The following CHEK2 variants were observed in gnomAD, a reference collection of about 807,000 sequenced individuals.
CHEK2 encodes checkpoint kinase 2, also known as serine/threonine-protein kinase Chk2.
Under a neutral mutation model 69.1 loss-of-function variants are expected in CHEK2, and 71 were observed. That is an observed-to-expected ratio of 1.03 (90% confidence interval 0.85 to 1.25). The LOEUF is 1.25. CHEK2 is among the 50% of genes most tolerant of loss of function. The probability of loss-of-function intolerance (pLI) is 0.00; values close to 1 mark genes in which losing one functional copy is unlikely to be tolerated. For missense variants in CHEK2, 664 were observed against 649.6 expected, an observed-to-expected ratio of 1.02 and a Z score of -0.24; for synonymous variants, 189 against 226.9, an observed-to-expected ratio of 0.83 and a Z score of 1.50.
At chr22:28,727,167 G>A (rs1233019130) in intron 2 of CHEK2, among the ~76,000 whole-genome samples, 4 of 151,982 alleles carry the variant, frequency 2.6e-5, no homozygotes, top group Non-Finnish European at 4.4e-5. Context: ...TCAGCCTCCC[G>A]AGTGGCTGGG....
chr22:28,720,115 G>A (rs2053723127), intron 4 of CHEK2, among the ~76,000 whole-genome samples: 1 of 133,946 alleles, frequency 7.5e-6, no homozygotes, highest in South Asian at 2.2e-4. Flanking sequence ...TTTTTTGAGA[G>A]AGTTTCACTC....
chr22:28,726,187 A>AG (rs1279781272), intron 2 of CHEK2: 2 of 151,706 alleles, frequency 1.3e-5, no homozygotes, highest in Admixed American at 1.3e-4. Context: ...TGGACGACAA[A>AG]GCAAGACTCT....
Position 28,695,140 on chromosome 22 carries a change from T to G in CHEK2, c.1362A>C (p.Glu454Asp). Residue 454 changes from glutamate (E) to aspartate (D), a missense_variant, in exon 12 of 15, where the codon GAA (glutamate) becomes GAC (aspartate). By Grantham distance (45) the Glu-to-Asp change is conservative. Coordinates refer to ENST00000404276, the MANE Select transcript of CHEK2 (RefSeq NM_007194.4). ...KYNFIPEVWA[E>D]VSEKALDLVK... ...TCATATTCATACCTTTCTCTGAGAC[T>G]TCTGCCCAGACTTCAGGAATGAAGT... The G allele has an allele frequency of 6.2e-7, 1 of 1,607,802 alleles. No individual in the cohort carries two copies. Among genetic ancestry groups the G allele is most frequent in the Non-Finnish European group, 8.5e-7 (1 of 1,174,432 alleles).
chr22:28,713,432 T>C (rs946985671), intron 5 of CHEK2, among the ~76,000 whole-genome samples: 8 of 151,378 alleles, frequency 5.3e-5, no homozygotes, highest in African/African-American at 1.5e-4. Context: ...TGATCTCGGC[T>C]CACCGCAAGC....
intron 10 of CHEK2, among the ~76,000 whole-genome samples, chr22:28,696,189 A>T (rs183474922): frequency 5.8e-4 from 88 of 152,298 alleles, no homozygotes; most frequent in Non-Finnish European, 1.1e-3. Flanking sequence ...CATGGTTCTT[A>T]GACCCCAGTG....
Position 28,696,603 on chromosome 22 carries a change from C to A in CHEK2, c.1095+298G>T, listed in dbSNP as rs1488085730. Among the ~76,000 whole-genome samples, 1 of 152,164 alleles carries A rather than the reference C, an allele frequency of 6.6e-6. No individual in the cohort carries two copies. The highest frequency in any genetic ancestry group is 1.5e-5 in the Non-Finnish European group (1 of 68,042). On this transcript the variant is annotated intron_variant, in intron 10 of 14. Coordinates refer to ENST00000404276, the MANE Select transcript of CHEK2 (RefSeq NM_007194.4). ...CAAACTCCTGACCTCAGGTGATCTGCCCACCTCGGCCTCCCAAAGTGCTGG... is the reference window on the plus strand; with the variant it reads ...CAAACTCCTGACCTCAGGTGATCTGACCACCTCGGCCTCCCAAAGTGCTGG...
intron 1 of CHEK2, among the ~76,000 whole-genome samples, chr22:28,740,542 T>C (rs1486798878): frequency 6.6e-6 from 1 of 152,238 alleles, no homozygotes; most frequent in African/African-American, 2.4e-5. Context: ...ATTTTTAATC[T>C]ATAACATTTA....
At chr22:28,730,745 C>G (rs893120512) in intron 2 of CHEK2, among the ~76,000 whole-genome samples, 3 of 152,076 alleles carry the variant, frequency 2.0e-5, no homozygotes, top group African/African-American at 7.2e-5. Context: ...GTAATCCCAG[C>G]TACTTGGGAG....
At chr22:28,721,552 G>C in intron 4 of CHEK2, 1 of 439,480 alleles carries the variant, frequency 2.3e-6, no homozygotes, top group South Asian at 1.6e-5. Flanking sequence ...CTCCCAAAGT[G>C]CTGGGATTAA....
At chr22:28,723,298 A>G (rs1270395981) in intron 4 of CHEK2, among the ~76,000 whole-genome samples, 1 of 152,172 alleles carries the variant, frequency 6.6e-6, no homozygotes, top group African/African-American at 2.4e-5. Flanking sequence ...AGTACCTGGC[A>G]TATAAAAAGA....
chr22:28,723,096 G>T (rs1430789962), intron 4 of CHEK2, among the ~76,000 whole-genome samples: 1 of 152,026 alleles, frequency 6.6e-6, no homozygotes, highest in Non-Finnish European at 1.5e-5. Context: ...TTTTTGTCAG[G>T]TATCCTTTCT....
Position 28,725,841 on chromosome 22 carries a change from C to T in CHEK2, c.320-474G>A, listed in dbSNP as rs184544118. ...GGAGGATCGCTTGAGCCCAGGAGGT[C>T]GAGGCTGCAGTGAGCTGAGACTGCG... On this transcript the variant is annotated intron_variant, in intron 2 of 14. Coordinates refer to ENST00000404276, the MANE Select transcript of CHEK2 (RefSeq NM_007194.4). Among the ~76,000 whole-genome samples, 132 of 150,060 alleles carry T rather than the reference C, an allele frequency of 8.8e-4. 1 individual carries two copies. Among genetic ancestry groups the T allele is most frequent in the South Asian group, 1.9e-3 (9 of 4,690 alleles).
intron 9 of CHEK2, 145 bp downstream of exon 9, chr22:28,699,693 T>A (rs1402987957): frequency 1.4e-6 from 1 of 706,312 alleles, no homozygotes; most frequent in Non-Finnish European, 2.5e-6. Flanking sequence ...GTGAAAGGAG[T>A]AGGACATTTT....
chr22:28,734,962 C>G (rs1000066689), intron 1 of CHEK2, among the ~76,000 whole-genome samples: 1 of 151,988 alleles, frequency 6.6e-6, no homozygotes, highest in Non-Finnish European at 1.5e-5. Flanking sequence ...CCATAAACTA[C>G]AGGGAAAAAC....
At chr22:28,735,909 A>C (rs1002430869) in intron 1 of CHEK2, among the ~76,000 whole-genome samples, 1 of 151,140 alleles carries the variant, frequency 6.6e-6, no homozygotes, top group South Asian at 2.1e-4. Flanking sequence ...TAAATAAATA[A>C]AATTTTAAAA....
At chr22:28,705,693 A>C (rs2053096829) in intron 7 of CHEK2, among the ~76,000 whole-genome samples, 1 of 152,076 alleles carries the variant, frequency 6.6e-6, no homozygotes, top group Non-Finnish European at 1.5e-5. Flanking sequence ...TAGGAGGCCA[A>C]GGCAAGTGGA....
intron 7 of CHEK2, among the ~76,000 whole-genome samples, chr22:28,708,499 T>G (rs946075176): frequency 6.6e-6 from 1 of 151,234 alleles, no homozygotes; most frequent in Non-Finnish European, 1.5e-5. Context: ...AGCAGGAAGG[T>G]CAGCCACTCA....
At chr22:28,713,337 C>T (rs932421011) in intron 5 of CHEK2, among the ~76,000 whole-genome samples, 20 of 151,268 alleles carry the variant, frequency 1.3e-4, no homozygotes, top group Non-Finnish European at 2.9e-5. Flanking sequence ...ACTAAAGCTG[C>T]TATGAACATT....
chr22:28,706,863 C>T (rs892232633), intron 7 of CHEK2, among the ~76,000 whole-genome samples: 2 of 152,146 alleles, frequency 1.3e-5, no homozygotes, highest in African/African-American at 2.4e-5. Flanking sequence ...TTGCAGTAAG[C>T]CGAGATCATG....
Sources: gnomAD v4.1 joint callset for allele counts (sites outside exome capture counted in the v4.1 genomes callset) on GRCh38, gnomAD v4.1.1 for gene constraint, MANE v1.5 for transcripts, NCBI Gene and HGNC (gene_info 2026-07-23, HGNC 2026-07-21) for gene names.